Variants in COL4A4 observed in about 807,000 individuals in gnomAD.
COL4A4 encodes collagen type IV alpha 4 chain.
A neutral mutation model predicts 192.9 loss-of-function variants in COL4A4; 105 were observed. The ratio of observed to expected loss-of-function variants is 0.54; its 90% CI spans 0.46 to 0.64. The LOEUF (loss-of-function observed/expected upper bound fraction) is 0.64. COL4A4 is among the 30% of genes least tolerant of loss of function. The pLI is 0.00. For synonymous variants in COL4A4, 762 were observed against 769.9 expected, an observed-to-expected ratio of 0.99 and a Z score of 0.17; for missense variants, 1,967 against 2,169.3, an observed-to-expected ratio of 0.91 and a Z score of 1.85.
At chr2:227,149,983 T>C (rs1180750896) in intron 1 of COL4A4, among the ~76,000 whole-genome samples, 1 of 152,240 alleles carries the variant, frequency 6.6e-6, no homozygotes, top group Non-Finnish European at 1.5e-5. Context: ...TCACATGTCC[T>C]TGGTTACCAT....
the COL4A4 span, chr2:226,988,279 A>T: frequency 1.3e-6 from 2 of 1,519,104 alleles, no homozygotes; most frequent in African/African-American, 2.8e-5. Context: ...AGGCCACTGT[A>T]AGTCTCTTCC....
chr2:227,122,993 T>C (rs927819308), intron 4 of COL4A4, among the ~76,000 whole-genome samples: 1 of 152,144 alleles, frequency 6.6e-6, no homozygotes, highest in Non-Finnish European at 1.5e-5. Context: ...GCCTCCCAAG[T>C]AGCTGGGATT....
intron 37 of COL4A4, 119 bp downstream of exon 37, chr2:227,042,029 T>G: frequency 3.9e-6 from 3 of 770,412 alleles, no homozygotes; most frequent in Non-Finnish European, 7.1e-6. Flanking sequence ...TAATGGCACC[T>G]ACGGAAAAGA....
intron 4 of COL4A4, among the ~76,000 whole-genome samples, chr2:227,129,857 A>C (rs1459583586): frequency 6.6e-6 from 1 of 152,212 alleles, no homozygotes; most frequent in African/African-American, 2.4e-5. Context: ...TGAACAAATA[A>C]ATATTCTTTT....
At chr2:227,064,191 A>G (rs1008134292) in intron 25 of COL4A4, among the ~76,000 whole-genome samples, 3 of 152,196 alleles carry the variant, frequency 2.0e-5, no homozygotes, top group African/African-American at 7.2e-5. Context: ...TATGAACAAA[A>G]AAATTCTCTA....
At chr2:226,975,269 A>T in the COL4A4 span, among the ~76,000 whole-genome samples, 1 of 152,170 alleles carries the variant, frequency 6.6e-6, no homozygotes, top group Non-Finnish European at 1.5e-5. Context: ...TGTGGTACTC[A>T]TTTCACTACA....
intron 1 of COL4A4, among the ~76,000 whole-genome samples, chr2:227,150,958 A>C (rs914245663): frequency 1.3e-5 from 2 of 152,070 alleles, no homozygotes; most frequent in African/African-American, 4.8e-5. Flanking sequence ...ATAGCTACAA[A>C]GAATATAATT....
At position 227,164,104 on chromosome 2, in the gene COL4A4, G is replaced by C. The variant is rs1275271502; in HGVS notation, c.-199C>G. 2.6e-5 allele frequency: 4 copies of C among 152,302 alleles called. No individual in the cohort carries two copies. The highest frequency in any genetic ancestry group is 4.8e-5 in the African/African-American group (2 of 41,438). 9.4% of individuals were successfully genotyped at this position (152,302 alleles called of 1,614,324 possible). A position where few individuals can be genotyped will look rare whatever the true frequency, so the allele number is the denominator to read the frequency against. On this transcript the variant is annotated 5_prime_UTR_variant, in exon 1 of 48. Coordinates refer to ENST00000396625, the MANE Select transcript of COL4A4 (RefSeq NM_000092.5). This position sits in a 1 kb window ranked among gnomAD's most constrained non-coding sequence, Gnocchi z 4.8. The stretch of plus-strand genomic sequence containing the variant: ...CACCCGCGCCCCGCTGCCTCTTCGC[G>C]GCGCTCTCGCAGCCAAGCCCGGCGG...
At chr2:227,152,641 G>T (rs1050622678) in intron 1 of COL4A4, among the ~76,000 whole-genome samples, 26 of 152,192 alleles carry the variant, frequency 1.7e-4, no homozygotes, top group African/African-American at 6.3e-4. Context: ...TGTGCCTGGC[G>T]CTTTGCAGTT....
At chr2:227,014,501 G>T (rs1964467130) in intron 44 of COL4A4, among the ~76,000 whole-genome samples, 1 of 152,186 alleles carries the variant, frequency 6.6e-6, no homozygotes, top group Admixed American at 6.5e-5. Context: ...AGGGAATTTA[G>T]TTTAAAGAAA....
At chr2:227,076,693 T>C (rs2059041549) in intron 25 of COL4A4, among the ~76,000 whole-genome samples, 1 of 151,952 alleles carries the variant, frequency 6.6e-6, no homozygotes, top group African/African-American at 2.4e-5. Flanking sequence ...GTCATCAGAG[T>C]GAACAAGCAA....
At chr2:227,120,633 C>T (rs1439330493) in intron 5 of COL4A4, among the ~76,000 whole-genome samples, 4 of 152,024 alleles carry the variant, frequency 2.6e-5, no homozygotes, top group Non-Finnish European at 5.9e-5. Flanking sequence ...ATATACTACT[C>T]GTGGTTATAA....
rs778779518 is a variant in COL4A4, at chr2:227,060,230, A to G, written c.2070T>C (p.Phe690=). 6.2e-7 allele frequency: 1 copy of G among 1,612,298 alleles called. No individual in the cohort carries two copies. Among genetic ancestry groups the G allele is most frequent in the South Asian group, 1.1e-5 (1 of 90,884 alleles). Reference sequence around the variant, plus strand: ...GCCCAGGGGCACCTTGGGGACCTGGAAATCCCTTCGGACCTAAACAATAAT... The same window carrying G: ...GCCCAGGGGCACCTTGGGGACCTGGGAATCCCTTCGGACCTAAACAATAAT... ...GFDGPPGPKG[F]PGPQGAPGLS... is the part of the protein sequence containing the mutation. Residue 690 remains phenylalanine, a synonymous_variant, in exon 27 of 48, where the codon TTT becomes TTC. Transcript: ENST00000396625.
At chr2:227,140,920 C>T (rs1323392808) in intron 3 of COL4A4, among the ~76,000 whole-genome samples, 2 of 141,948 alleles carry the variant, frequency 1.4e-5, no homozygotes, top group African/African-American at 5.4e-5. Context: ...CACACACACA[C>T]ACCCTTTAGG....
chr2:227,080,447 G>A lies in COL4A4; in HGVS notation c.1799C>T (p.Pro600Leu), dbSNP rs1478679157. 2.5e-6 allele frequency: 4 copies of A among 1,613,252 alleles called. No homozygotes were observed. Among genetic ancestry groups the A allele is most frequent in the Admixed American group, 1.7e-5 (1 of 60,020 alleles). ...GHAGEKGDPG[P>L]PGDHEDATPG... ...CAAGAGAAGAATTCTACATACTGGA[G>A]GTCCTGGATCCCCTTTTTCTCCAGC... The change falls in exon 24 of 48, where the codon CCT (proline) becomes CTT (leucine). Residue 600 changes from proline (P) to leucine (L), a missense_variant. By Grantham distance (98) the Pro-to-Leu change is moderately conservative (BLOSUM62 -3). Coordinates refer to ENST00000396625, the MANE Select transcript of COL4A4 (RefSeq NM_000092.5).
the COL4A4 span, among the ~76,000 whole-genome samples, chr2:226,974,832 G>A: frequency 6.6e-6 from 1 of 152,230 alleles, no homozygotes; most frequent in Non-Finnish European, 1.5e-5. Flanking sequence ...TCGTATAATT[G>A]GAGATCACTC....
intron 44 of COL4A4, among the ~76,000 whole-genome samples, chr2:227,021,560 T>C (rs1966008494): frequency 6.6e-6 from 1 of 152,160 alleles, no homozygotes; most frequent in South Asian, 2.1e-4. Context: ...GTGCAGTGGC[T>C]CATGCCTGTA....
In COL4A4 at chr2:227,054,587, T is replaced by C; in HGVS notation, c.2860+7A>G. 6.2e-7 allele frequency: 1 copy of C among 1,614,156 alleles called. No individual in the cohort carries two copies. The highest frequency in any genetic ancestry group is 8.5e-7 in the Non-Finnish European group (1 of 1,179,988). On this transcript the variant is annotated splice_region_variant and intron_variant, in intron 31 of 47. Coordinates refer to ENST00000396625, the MANE Select transcript of COL4A4 (RefSeq NM_000092.5). ...AAATGCATGTTGCATGGCTGTATTT[T>C]ATTTACCTTTGGCCCCTCTCAGTCC...
intron 22 of COL4A4, 72 bp from the exon 23 acceptor site, chr2:227,082,259 T>C: frequency 2.4e-6 from 3 of 1,246,202 alleles, no homozygotes; most frequent in South Asian, 2.4e-5. Context: ...ACATATTGAA[T>C]CTCTCTCTTC....
Sources: allele counts gnomAD v4.1 joint callset (sites outside exome capture counted in the v4.1 genomes callset), GRCh38; gene constraint gnomAD v4.1.1; non-coding constraint Gnocchi (gnomAD v3.1); transcripts MANE v1.5; gene names NCBI Gene and HGNC (gene_info 2026-07-23, HGNC 2026-07-21).